Variants in PARD3B observed in about 807,000 individuals in gnomAD.
PARD3B encodes the protein partitioning defective 3 homolog B.
Under a neutral mutation model 130.2 loss-of-function variants are expected in PARD3B, and 103 were observed. The observed-to-expected ratio is 0.79, with a 90% CI of 0.67 to 0.93. The LOEUF is 0.93. PARD3B is among the 40% of genes least tolerant of loss of function. The pLI is 0.00. For synonymous variants in PARD3B, 583 were observed against 553.2 expected (o/e 1.05, Z -0.76); for missense variants, 1,609 against 1,499.2 (o/e 1.07, Z -1.21).
chr2:204,758,795 G>T (rs1462902165), intron 2 of PARD3B, among the ~76,000 whole-genome samples: 1 of 152,108 alleles, frequency 6.6e-6, no homozygotes, highest in Non-Finnish European at 1.5e-5. Context: ...TATGATTCTT[G>T]TTTGGCTCCG....
intron 2 of PARD3B, among the ~76,000 whole-genome samples, chr2:204,893,588 A>G (rs954634857): frequency 6.6e-6 from 1 of 152,224 alleles, no homozygotes; most frequent in Non-Finnish European, 1.5e-5. Flanking sequence ...ATGTGAAAAG[A>G]TACAGCACAA....
At chr2:204,808,418 A>G (rs972514025) in intron 2 of PARD3B, among the ~76,000 whole-genome samples, 6 of 152,110 alleles carry the variant, frequency 3.9e-5, no homozygotes, top group Non-Finnish European at 8.8e-5. Context: ...AGTTTGTTGT[A>G]CAGATTATTT....
chr2:205,028,188 T>C (rs1697168266), intron 3 of PARD3B, among the ~76,000 whole-genome samples: 1 of 152,184 alleles, frequency 6.6e-6, no homozygotes, highest in Non-Finnish European at 1.5e-5. Context: ...ATATTAATTT[T>C]TTAATCCATG....
chr2:205,085,875 G>C (rs1356966761), intron 4 of PARD3B, among the ~76,000 whole-genome samples: 1 of 151,964 alleles, frequency 6.6e-6, no homozygotes, highest in Non-Finnish European at 1.5e-5. Context: ...TGAATGACTG[G>C]GTTGCACTGG....
At chr2:204,614,413 C>G (rs2034036536) in intron 1 of PARD3B, among the ~76,000 whole-genome samples, 1 of 152,080 alleles carries the variant, frequency 6.6e-6, no homozygotes, top group African/African-American at 2.4e-5. Flanking sequence ...CCACATGTGA[C>G]TAGTCACCAC....
At chr2:205,237,582 T>G (rs545561739) in intron 15 of PARD3B, among the ~76,000 whole-genome samples, 1 of 152,336 alleles carries the variant, frequency 6.6e-6, no homozygotes, top group African/African-American at 2.4e-5. Context: ...AAGAGCTGTT[T>G]GTATGAAGTA....
intron 19 of PARD3B, among the ~76,000 whole-genome samples, chr2:205,413,995 T>A (rs2046688559): frequency 6.6e-6 from 1 of 152,188 alleles, no homozygotes; most frequent in South Asian, 2.1e-4. Context: ...CTTGGCTTAT[T>A]CTTGTCAAAT....
chr2:205,021,918 T>C lies in PARD3B; in HGVS notation c.395-25663T>C, dbSNP rs891607934. The stretch of plus-strand genomic sequence containing the variant: ...GTGGTCAAACACCTTTTACTTTTAT[T>C]AGGAGAAAATGGAAAAGAAAATCCA... On this transcript the variant is annotated intron_variant, in intron 3 of 22. Transcript: ENST00000406610. This position sits in a 1 kb window ranked among gnomAD's most constrained non-coding sequence, Gnocchi z 4.5. 6.6e-6 allele frequency among the ~76,000 whole-genome samples: 1 copy of C among 152,048 alleles called. No individual in the cohort carries two copies. Among genetic ancestry groups the C allele is most frequent in the Non-Finnish European group, 1.5e-5 (1 of 68,008 alleles).
intron 3 of PARD3B, among the ~76,000 whole-genome samples, chr2:205,045,865 C>T (rs1030203228): frequency 1.3e-5 from 2 of 151,846 alleles, no homozygotes; most frequent in South Asian, 2.1e-4. Flanking sequence ...AATTGTTGAT[C>T]GCTAAAATGT....
chr2:205,226,503 G>T (rs1288375721), intron 15 of PARD3B, among the ~76,000 whole-genome samples: 2 of 152,146 alleles, frequency 1.3e-5, no homozygotes, highest in Non-Finnish European at 1.5e-5. Flanking sequence ...TTATATGTAA[G>T]TATTTAATCC....
chr2:205,141,612 A>G (rs1169160964), intron 10 of PARD3B, among the ~76,000 whole-genome samples: 1 of 152,152 alleles, frequency 6.6e-6, no homozygotes, highest in African/African-American at 2.4e-5. Context: ...TTTGCAAGCT[A>G]TTTTCTTGCA....
chr2:204,546,849 C>A (rs1349792900), intron 1 of PARD3B, among the ~76,000 whole-genome samples: 1 of 152,174 alleles, frequency 6.6e-6, no homozygotes, highest in Non-Finnish European at 1.5e-5. Flanking sequence ...AATTAAGTGA[C>A]AATTTTTTTT....
At chr2:205,393,125 A>G (rs2045914648) in intron 18 of PARD3B, among the ~76,000 whole-genome samples, 1 of 152,234 alleles carries the variant, frequency 6.6e-6, no homozygotes, top group African/African-American at 2.4e-5. Context: ...TGAGATTACA[A>G]TACATGGAAG....
At chr2:204,684,620 T>C (rs936954400) in intron 1 of PARD3B, among the ~76,000 whole-genome samples, 1 of 152,188 alleles carries the variant, frequency 6.6e-6, no homozygotes, top group Non-Finnish European at 1.5e-5. Context: ...TGGCCTATTA[T>C]ACTTAGCTCA....
At chr2:204,561,786 G>A (rs1401318916) in intron 1 of PARD3B, among the ~76,000 whole-genome samples, 3 of 151,860 alleles carry the variant, frequency 2.0e-5, no homozygotes, top group Non-Finnish European at 4.4e-5. Flanking sequence ...TAGTAGAGAC[G>A]GGGTGTTGCC....
chr2:205,495,396 T>G (rs956600737), intron 20 of PARD3B, among the ~76,000 whole-genome samples: 3 of 152,174 alleles, frequency 2.0e-5, no homozygotes, highest in African/African-American at 7.2e-5. Flanking sequence ...AGAAACTTTT[T>G]GTAAGGATGG....
rs1311288867 is a variant in PARD3B, at chr2:205,021,290, T to C, written c.395-26291T>C. On this transcript the variant is annotated intron_variant, in intron 3 of 22. Coordinates refer to ENST00000406610, the MANE Select transcript of PARD3B (RefSeq NM_001302769.2). This position sits in a 1 kb window ranked among gnomAD's most constrained non-coding sequence, Gnocchi z 4.5. ...ACTCCCTTGAGGATTAGGAAACAGA[T>C]TATAAGTAGCTAGAATGTAAAATAA... Among the ~76,000 whole-genome samples the C allele has an allele frequency of 6.6e-6, 1 of 152,122 alleles. No homozygotes were observed. Among genetic ancestry groups the C allele is most frequent in the Non-Finnish European group, 1.5e-5 (1 of 68,034 alleles).
chr2:205,523,550 T>A (rs1356582927), intron 21 of PARD3B, among the ~76,000 whole-genome samples: 2 of 151,984 alleles, frequency 1.3e-5, no homozygotes, highest in Admixed American at 6.6e-5. Context: ...TCAGTCAACA[T>A]CAAAAATAAA....
At position 205,194,950 on chromosome 2, in the gene PARD3B, AT is replaced by A. The variant is rs56836818; in HGVS notation, c.2140+1650del. Among the ~76,000 whole-genome samples the A allele has an allele frequency of 6.5e-3, 726 of 111,210 alleles. 3 individuals are homozygous for A. The highest frequency in any genetic ancestry group is 0.02 in the African/African-American group (558 of 27,948). The allele number at this position is 111,210 out of a possible 152,430, so 73.0% of individuals were successfully genotyped here. A position where few individuals can be genotyped will look rare whatever the true frequency, so the allele number is the denominator to read the frequency against. Reference sequence around the variant, plus strand: ...AGGTGTCTGCCACCACGCCAGGCTAATTTTTTTTTTTTTTTTTTTTGTATTT... The same window carrying A: ...AGGTGTCTGCCACCACGCCAGGCTAATTTTTTTTTTTTTTTTTTTGTATTT... On this transcript the variant is annotated intron_variant, in intron 15 of 22. Coordinates refer to ENST00000406610, the MANE Select transcript of PARD3B (RefSeq NM_001302769.2).
Sources: gnomAD v4.1 joint callset for allele counts (sites outside exome capture counted in the v4.1 genomes callset) on GRCh38, gnomAD v4.1.1 for gene constraint, Gnocchi (gnomAD v3.1) non-coding constraint, MANE v1.5 for transcripts, NCBI Gene and HGNC (gene_info 2026-07-23, HGNC 2026-07-21) for gene names.